Variants in BLNK observed in about 807,000 individuals in gnomAD.
BLNK encodes B cell linker.
BLNK carries 29 observed loss-of-function variants against 73.5 expected under a neutral mutation model. That is an observed-to-expected ratio of 0.39 (90% confidence interval 0.29 to 0.54). The LOEUF (loss-of-function observed/expected upper bound fraction) is 0.54, where lower values mean the gene tolerates loss of function less well. Ranked by LOEUF, BLNK falls within the 20% of genes least tolerant of loss-of-function variation. The pLI, the probability that BLNK is intolerant of heterozygous loss-of-function variation, is 0.61. For missense variants in BLNK, 460 were observed against 562.8 expected, an observed-to-expected ratio of 0.82 and a Z score of 1.85; for synonymous variants, 176 against 200.8, an observed-to-expected ratio of 0.88 and a Z score of 1.04.
intron 3 of BLNK, among the ~76,000 whole-genome samples, chr10:96,235,205 T>C (rs1842651948): frequency 1.3e-5 from 2 of 152,250 alleles, no homozygotes; most frequent in Non-Finnish European, 2.9e-5. Context: ...GAGTGAGATC[T>C]TAGCTGAATT....
At chr10:96,271,324 G>A in intron 1 of BLNK, 28 bp downstream of exon 1, 1 of 1,611,178 alleles carries the variant, frequency 6.2e-7, no homozygotes, top group Middle Eastern at 1.7e-4. Flanking sequence ...AGGAGATGAA[G>A]AAGGGTATTG....
intron 3 of BLNK, among the ~76,000 whole-genome samples, chr10:96,240,525 G>C (rs147998417): frequency 4.8e-4 from 73 of 152,270 alleles, no homozygotes; most frequent in Non-Finnish European, 7.1e-4. Flanking sequence ...CTCCCAAAGT[G>C]CTGGGATAAC....
intron 16 of BLNK, among the ~76,000 whole-genome samples, chr10:96,192,335 T>C (rs1554893662): frequency 6.6e-6 from 1 of 152,198 alleles, no homozygotes; most frequent in Non-Finnish European, 1.5e-5. Context: ...CTTAGAGAGA[T>C]TACTTCACTG....
Position 96,227,570 on chromosome 10 carries a change from CA to C in BLNK, c.205-5del. ...CTGGATTTTCATAGTCGCTGTCCTG[CA>C]AGTGCAGATGCAGACACTGTGCTCA... On this transcript the variant is annotated splice_polypyrimidine_tract_variant and splice_region_variant and intron_variant, in intron 4 of 16. Transcript: ENST00000224337. 1 of 1,613,934 alleles carries C rather than the reference CA, an allele frequency of 6.2e-7. No individual in the cohort carries two copies.
chr10:96,247,605 A>G (rs937149882), intron 1 of BLNK, among the ~76,000 whole-genome samples: 5 of 152,196 alleles, frequency 3.3e-5, no homozygotes, highest in Non-Finnish European at 7.3e-5. Context: ...CTGACTTCCT[A>G]GAACTGAATC....
intron 3 of BLNK, among the ~76,000 whole-genome samples, chr10:96,236,252 C>T (rs995681704): frequency 3.3e-5 from 5 of 152,134 alleles, no homozygotes; most frequent in Admixed American, 2.0e-4. Context: ...GCCCATCTCT[C>T]CCCCAACAGA....
chr10:96,220,641 CCTT>C (rs2084177657), intron 6 of BLNK, among the ~76,000 whole-genome samples: 1 of 152,112 alleles, frequency 6.6e-6, no homozygotes, highest in Non-Finnish European at 1.5e-5. Flanking sequence ...ATACCAACCC[CCTT>C]CTTTCATGAA....
intron 5 of BLNK, among the ~76,000 whole-genome samples, chr10:96,224,511 C>T (rs1331035532): frequency 6.6e-6 from 1 of 152,162 alleles, no homozygotes; most frequent in Non-Finnish European, 1.5e-5. Context: ...GCTCCATTCA[C>T]AGGGAATCTG....
At chr10:96,221,544 C>T (rs1554901162) in intron 6 of BLNK, among the ~76,000 whole-genome samples, 1 of 152,180 alleles carries the variant, frequency 6.6e-6, no homozygotes, top group Non-Finnish European at 1.5e-5. Flanking sequence ...CTCTTTTTCC[C>T]ACTGGTGCAG....
intron 4 of BLNK, among the ~76,000 whole-genome samples, chr10:96,228,046 C>A (rs921724183): frequency 6.6e-6 from 1 of 150,820 alleles, no homozygotes; most frequent in African/African-American, 2.4e-5. Flanking sequence ...AATTGGTAAG[C>A]TGCAGGGTCA....
chr10:96,263,309 T>A (rs532035603), intron 1 of BLNK, among the ~76,000 whole-genome samples: 38 of 152,178 alleles, frequency 2.5e-4, no homozygotes, highest in South Asian at 1.0e-3. Flanking sequence ...CCCTACAATG[T>A]GTGAAGGAAG....
At chr10:96,253,703 G>A (rs1409992052) in intron 1 of BLNK, among the ~76,000 whole-genome samples, 2 of 152,138 alleles carry the variant, frequency 1.3e-5, no homozygotes, top group Non-Finnish European at 2.9e-5. Flanking sequence ...GCACACAGAA[G>A]GTTGACAGCC....
At chr10:96,237,750 A>C (rs782611176) in intron 3 of BLNK, among the ~76,000 whole-genome samples, 6 of 152,196 alleles carry the variant, frequency 3.9e-5, no homozygotes, top group African/African-American at 9.7e-5. Context: ...AAGTTCCCCC[A>C]AAAGCATGAA....
At position 96,242,597 on chromosome 10, in the gene BLNK, T is replaced by A. The variant is rs1842913690; in HGVS notation, c.163+138A>T. Reference sequence around the variant, plus strand: ...CACTGTAGTCAAAATGCCTAATAGATTTAGTCATTCTTGAAATTAGAAAAG... The same window carrying A: ...CACTGTAGTCAAAATGCCTAATAGAATTAGTCATTCTTGAAATTAGAAAAG... On this transcript the variant is annotated intron_variant, in intron 3 of 16. Transcript: ENST00000224337. 4 of 874,866 alleles carry A rather than the reference T, an allele frequency of 4.6e-6. No individual in the cohort carries two copies. In the African/African-American group the frequency reaches 6.7e-5, roughly 15 times the overall value. 54.2% of individuals were successfully genotyped at this position (874,866 alleles called of 1,614,324 possible).
intron 13 of BLNK, among the ~76,000 whole-genome samples, chr10:96,201,886 C>T (rs1303445520): frequency 1.3e-5 from 2 of 151,966 alleles, no homozygotes; most frequent in Non-Finnish European, 2.9e-5. Flanking sequence ...GCAATAAAGA[C>T]ATAAGTAAAA....
chr10:96,246,428 T>C (rs776288977), intron 2 of BLNK, among the ~76,000 whole-genome samples: 50 of 152,306 alleles, frequency 3.3e-4, no homozygotes, highest in Non-Finnish European at 6.0e-4. Flanking sequence ...GGCACGTGCC[T>C]GTAATCCCAG....
intron 1 of BLNK, among the ~76,000 whole-genome samples, chr10:96,254,127 G>T (rs1328567913): frequency 6.6e-6 from 1 of 151,908 alleles, no homozygotes; most frequent in Non-Finnish European, 1.5e-5. Flanking sequence ...CAAAAGAGAC[G>T]ACTTCCCAAC....
intron 9 of BLNK, among the ~76,000 whole-genome samples, chr10:96,208,189 C>A (rs587719975): frequency 1.3e-5 from 2 of 152,204 alleles, no homozygotes; most frequent in South Asian, 4.1e-4. Flanking sequence ...TGGCGGGTGA[C>A]CTTGGGCCTC....
intron 1 of BLNK, among the ~76,000 whole-genome samples, chr10:96,257,320 T>A (rs1460215233): frequency 6.6e-6 from 1 of 152,054 alleles, no homozygotes; most frequent in Non-Finnish European, 1.5e-5. Context: ...GGTGGAAGAA[T>A]GGAGGAGGAT....
Sources: gnomAD v4.1 joint callset for allele counts (sites outside exome capture counted in the v4.1 genomes callset) on GRCh38, gnomAD v4.1.1 for gene constraint, MANE v1.5 for transcripts, NCBI Gene and HGNC (gene_info 2026-07-23, HGNC 2026-07-21) for gene names.